The following ADGRB3 variants were observed in gnomAD, a reference collection of about 807,000 sequenced individuals.
ADGRB3 encodes the protein adhesion G protein-coupled receptor B3.
A neutral mutation model predicts 193.4 loss-of-function variants in ADGRB3; 37 were observed. The observed-to-expected ratio is 0.19, with a 90% CI of 0.15 to 0.25. ADGRB3 has a LOEUF of 0.25. Among genes scored for constraint, ADGRB3 ranks in the 10% least tolerant of loss-of-function variants. ADGRB3 has a pLI of 1.00. For synonymous variants in ADGRB3, 690 were observed against 644.2 expected, an observed-to-expected ratio of 1.07 and a Z score of -1.08; for missense variants, 1,637 against 1,852.9, an observed-to-expected ratio of 0.88 and a Z score of 2.14.
chr6:69,269,157 A>G (rs1767116211), intron 20 of ADGRB3, among the ~76,000 whole-genome samples: 1 of 152,120 alleles, frequency 6.6e-6, no homozygotes, highest in South Asian at 2.1e-4. Context: ...CAAATGTTAA[A>G]TATCTTGCCC....
At chr6:69,159,845 A>G (rs1774937887) in intron 17 of ADGRB3, among the ~76,000 whole-genome samples, 2 of 152,130 alleles carry the variant, frequency 1.3e-5, no homozygotes, top group South Asian at 4.1e-4. Flanking sequence ...TAAACTTAGC[A>G]TTCCAAACGC....
chr6:68,993,961 A>C lies in ADGRB3; in HGVS notation c.1928A>C (p.Gln643Pro). The C allele has an allele frequency of 6.2e-7, 1 of 1,611,772 alleles. No homozygotes were observed. The highest frequency in any genetic ancestry group is 8.5e-7 in the Non-Finnish European group (1 of 1,178,226). The change falls in exon 11 of 32, where the codon CAG (glutamine) becomes CCG (proline). Residue 643 changes from glutamine (Q) to proline (P), a missense_variant and splice_region_variant. This residue lies in a region of ADGRB3 where 641 missense variants were observed against 673.9 expected (regional missense o/e 0.95). Transcript: ENST00000370598. ...TACATCCCTGCATCTGATGGTGTCCAGGTAAGGGAGACAAGTTCGTGAAGG... is the reference window on the plus strand; with the variant it reads ...TACATCCCTGCATCTGATGGTGTCCCGGTAAGGGAGACAAGTTCGTGAAGG... The part of the protein sequence containing the change: ...ASYIPASDGV[Q>P]NFFQIVSNLL...
intron 3 of ADGRB3, among the ~76,000 whole-genome samples, chr6:68,852,607 A>G (rs886811670): frequency 6.6e-5 from 10 of 152,004 alleles, no homozygotes; most frequent in African/African-American, 2.4e-4. Context: ...TTGATATTTA[A>G]AAAAAGCTCC....
Position 69,378,124 on chromosome 6 carries a change from C to T in ADGRB3, c.4276-4707C>T, listed in dbSNP as rs78445771. On this transcript the variant is annotated intron_variant, in intron 30 of 31. Coordinates refer to ENST00000370598, the MANE Select transcript of ADGRB3 (RefSeq NM_001704.3). The stretch of plus-strand genomic sequence containing the variant: ...GTGCTAGGTGCCAGTGATATACAGA[C>T]GAATAAGCAATTGTCCAGGAACTGT... 3.4e-3 allele frequency among the ~76,000 whole-genome samples: 524 copies of T among 151,998 alleles called. 2 individuals are homozygous for T. The highest frequency in any genetic ancestry group is 0.012 in the African/African-American group (486 of 41,464).
chr6:68,950,808 A>G (rs976266405), intron 6 of ADGRB3, among the ~76,000 whole-genome samples: 1 of 152,232 alleles, frequency 6.6e-6, no homozygotes, highest in Non-Finnish European at 1.5e-5. Flanking sequence ...GACTACATAC[A>G]GTATAGTCCT....
chr6:68,955,842 G>A (rs1187408544), intron 6 of ADGRB3, among the ~76,000 whole-genome samples, 182 bp from the exon 7 acceptor site: 2 of 151,966 alleles, frequency 1.3e-5, no homozygotes, highest in Admixed American at 1.3e-4. Flanking sequence ...AATAAAAGTG[G>A]GAAAATAAGG....
intron 17 of ADGRB3, among the ~76,000 whole-genome samples, chr6:69,156,441 G>A (rs937794671): frequency 2.0e-5 from 3 of 152,180 alleles, no homozygotes; most frequent in African/African-American, 7.2e-5. Context: ...ATAGCAAGAC[G>A]ATGGCCCTCA....
At chr6:68,985,589 C>T (rs2150271026) in intron 10 of ADGRB3, among the ~76,000 whole-genome samples, 1 of 152,258 alleles carries the variant, frequency 6.6e-6, no homozygotes, top group East Asian at 1.9e-4. Flanking sequence ...ATTGCCATGT[C>T]AGGCCTGAGA....
chr6:68,819,511 G>A (rs1457347646), intron 3 of ADGRB3, among the ~76,000 whole-genome samples: 2 of 151,484 alleles, frequency 1.3e-5, no homozygotes, highest in Middle Eastern at 3.2e-3. Flanking sequence ...CATAAATTGA[G>A]TACGATTGAT....
intron 17 of ADGRB3, among the ~76,000 whole-genome samples, chr6:69,216,239 G>A (rs1582552360): frequency 6.6e-6 from 1 of 152,156 alleles, no homozygotes; most frequent in East Asian, 1.9e-4. Flanking sequence ...GACCCTAATA[G>A]GTCTAAACAG....
chr6:69,348,269 A>G (rs1229011780), intron 26 of ADGRB3, among the ~76,000 whole-genome samples: 1 of 152,084 alleles, frequency 6.6e-6, no homozygotes, highest in African/African-American at 2.4e-5. Context: ...GCTTGCTGTT[A>G]CCCACAGCTC....
chr6:68,809,410 G>A (rs75186938), intron 3 of ADGRB3, among the ~76,000 whole-genome samples: 518 of 152,252 alleles, frequency 3.4e-3, no homozygotes, highest in African/African-American at 0.012. Flanking sequence ...TAAATCTATC[G>A]ATGTTGGAAT....
rs1440641992 is a variant in ADGRB3 at position 69,168,413 on chromosome 6, C to A, written c.2481-64877C>A. ...GTTAATTAACTAGTTAACGTAAGGT[C>A]ATACTAATTACCTGAATATTTACTA... On this transcript the variant is annotated intron_variant, in intron 17 of 31. Transcript: ENST00000370598. Among the ~76,000 whole-genome samples, 6 of 152,130 alleles carry A rather than the reference C, an allele frequency of 3.9e-5. No individual in the cohort carries two copies. The South Asian group carries it at 1.0e-3, about 26-fold the overall frequency.
intron 3 of ADGRB3, among the ~76,000 whole-genome samples, chr6:68,873,297 T>C (rs147133299): frequency 0.01 from 1,595 of 152,248 alleles, 26 homozygotes; most frequent in African/African-American, 0.036. Flanking sequence ...ATGACACTCA[T>C]TTCTAAATAG....
At chr6:68,696,074 C>T (rs561354988) in intron 3 of ADGRB3, among the ~76,000 whole-genome samples, 1 of 152,084 alleles carries the variant, frequency 6.6e-6, no homozygotes, top group South Asian at 2.1e-4. Flanking sequence ...GCTTTCCATT[C>T]GTCTTCTTGC....
chr6:68,749,969 A>T (rs571471834), intron 3 of ADGRB3, among the ~76,000 whole-genome samples: 1 of 152,312 alleles, frequency 6.6e-6, no homozygotes, highest in South Asian at 2.1e-4. Context: ...TAGGTAACCC[A>T]CGTGTAACCT....
chr6:69,233,180 A>G (rs745512513), intron 17 of ADGRB3, 110 bp from the exon 18 acceptor site: 22 of 1,402,922 alleles, frequency 1.6e-5, no homozygotes, highest in Non-Finnish European at 2.0e-5. Context: ...TTTTTCCTGT[A>G]CAGGAATTAC....
chr6:68,769,705 T>C, intron 3 of ADGRB3, among the ~76,000 whole-genome samples: 1 of 151,860 alleles, frequency 6.6e-6, no homozygotes, highest in East Asian at 1.9e-4. Context: ...AATAAATAAG[T>C]CTTTATTCTG....
At chr6:68,666,826 TAAG>T in intron 3 of ADGRB3, among the ~76,000 whole-genome samples, 1 of 151,766 alleles carries the variant, frequency 6.6e-6, no homozygotes, top group Admixed American at 6.6e-5. Flanking sequence ...ATGACCTTGA[TAAG>T]AAATACATGG....
Sources: allele counts gnomAD v4.1 joint callset (sites outside exome capture counted in the v4.1 genomes callset), GRCh38; gene constraint gnomAD v4.1.1; regional missense constraint gnomAD v4.1.1; transcripts MANE v1.5; gene names NCBI Gene and HGNC (gene_info 2026-07-23, HGNC 2026-07-21).